Variants in GPC5 observed in about 807,000 individuals in gnomAD.
GPC5 encodes the protein glypican-5.
A neutral mutation model predicts 53.9 loss-of-function variants in GPC5; 47 were observed. That is an observed-to-expected ratio of 0.87 (90% confidence interval 0.69 to 1.11). The LOEUF is 1.11. Ranked by LOEUF, GPC5 falls within the 50% of genes most tolerant of loss-of-function variation. The pLI, the probability that GPC5 is intolerant of heterozygous loss-of-function variation, is 0.00. For synonymous variants in GPC5, 286 were observed against 263.3 expected (o/e 1.09, Z -0.84); for missense variants, 748 against 713.1 (o/e 1.05, Z -0.56).
chr13:92,250,991 C>A (rs1340527603), intron 7 of GPC5, among the ~76,000 whole-genome samples: 1 of 152,050 alleles, frequency 6.6e-6, no homozygotes, highest in Non-Finnish European at 1.5e-5. Flanking sequence ...TACATGAATG[C>A]CTTCAAAGTT....
In GPC5 at chr13:92,629,586, T is replaced by C. The variant is rs1013547754; in HGVS notation, c.1562-236696T>C. 2.6e-5 allele frequency among the ~76,000 whole-genome samples: 4 copies of C among 152,316 alleles called. No individual in the cohort carries two copies. The East Asian group carries it at 7.7e-4, about 29-fold the overall frequency. On this transcript the variant is annotated intron_variant, in intron 7 of 7. Coordinates refer to ENST00000377067, the MANE Select transcript of GPC5 (RefSeq NM_004466.6). ...CAATGCATAGAAACATTTTCGAATA[T>C]ATAATCATGAGTTTCACAAAGATAA...
At chr13:91,789,228 A>G (rs2037926097) in intron 5 of GPC5, among the ~76,000 whole-genome samples, 1 of 152,196 alleles carries the variant, frequency 6.6e-6, no homozygotes, top group African/African-American at 2.4e-5. Flanking sequence ...AGAAAAAAAA[A>G]AAGAAATCTT....
intron 2 of GPC5, among the ~76,000 whole-genome samples, chr13:91,594,349 A>T (rs550756429): frequency 2.0e-5 from 3 of 152,314 alleles, no homozygotes; most frequent in Admixed American, 2.0e-4. Flanking sequence ...CATTATTTCT[A>T]TACAAGGAAT....
At chr13:92,558,856 C>T (rs1475673293) in intron 7 of GPC5, among the ~76,000 whole-genome samples, 1 of 151,882 alleles carries the variant, frequency 6.6e-6, no homozygotes, top group Non-Finnish European at 1.5e-5. Flanking sequence ...ATACTAAACC[C>T]CCCGAAGTGT....
chr13:91,791,672 T>TTACA (rs1450370963), intron 5 of GPC5, among the ~76,000 whole-genome samples: 21 of 146,984 alleles, frequency 1.4e-4, no homozygotes, highest in Non-Finnish European at 2.2e-4. Flanking sequence ...ACATCAACAA[T>TTACA]TGTATGAGGC....
chr13:91,695,246 C>T (rs189363055), intron 3 of GPC5, among the ~76,000 whole-genome samples: 5 of 152,172 alleles, frequency 3.3e-5, no homozygotes, highest in African/African-American at 1.2e-4. Context: ...TGTACATGGC[C>T]CAGAACCTCT....
chr13:92,417,941 A>G (rs1239373411), intron 7 of GPC5, among the ~76,000 whole-genome samples: 4 of 152,198 alleles, frequency 2.6e-5, no homozygotes, highest in Non-Finnish European at 4.4e-5. Context: ...TCTAAACAAA[A>G]TGTAATATAA....
At chr13:91,554,840 G>A (rs1291626391) in intron 2 of GPC5, among the ~76,000 whole-genome samples, 1 of 152,002 alleles carries the variant, frequency 6.6e-6, no homozygotes, top group Non-Finnish European at 1.5e-5. Flanking sequence ...CTCTGAGGTG[G>A]CAGAGAGAGA....
intron 7 of GPC5, among the ~76,000 whole-genome samples, chr13:92,584,789 G>C (rs1883484504): frequency 6.6e-6 from 1 of 152,050 alleles, no homozygotes; most frequent in Non-Finnish European, 1.5e-5. Flanking sequence ...TGCAGTCTAG[G>C]AACTTGGTAC....
At chr13:92,041,696 A>G (rs2040943145) in intron 6 of GPC5, among the ~76,000 whole-genome samples, 1 of 152,160 alleles carries the variant, frequency 6.6e-6, no homozygotes, top group Non-Finnish European at 1.5e-5. Flanking sequence ...GCCTTTATTC[A>G]TCCACTGCTA....
intron 7 of GPC5, among the ~76,000 whole-genome samples, chr13:92,561,919 C>G (rs1431904924): frequency 2.6e-5 from 4 of 152,014 alleles, no homozygotes; most frequent in Non-Finnish European, 5.9e-5. Context: ...TCCAAATTGA[C>G]TGTTGTGACC....
At chr13:92,771,182 T>C (rs1875599588) in intron 7 of GPC5, among the ~76,000 whole-genome samples, 1 of 152,068 alleles carries the variant, frequency 6.6e-6, no homozygotes, top group African/African-American at 2.4e-5. Context: ...CTTCACCTTC[T>C]CTAACACCAT....
At chr13:91,798,456 C>T (rs914321456) in intron 5 of GPC5, among the ~76,000 whole-genome samples, 4 of 152,104 alleles carry the variant, frequency 2.6e-5, no homozygotes, top group African/African-American at 9.7e-5. Context: ...ATTTTGTGTT[C>T]CCCCATTAGT....
chr13:91,406,393 C>T (rs1877326237), intron 1 of GPC5, among the ~76,000 whole-genome samples: 1 of 152,050 alleles, frequency 6.6e-6, no homozygotes, highest in Non-Finnish European at 1.5e-5. Flanking sequence ...AGATGGACCC[C>T]CATGTTTTTC....
chr13:92,587,572 C>T (rs1033144419), intron 7 of GPC5, among the ~76,000 whole-genome samples: 8 of 151,968 alleles, frequency 5.3e-5, no homozygotes, highest in Admixed American at 5.2e-4. Flanking sequence ...TTATGGTACT[C>T]CTGCAGAAGA....
chr13:92,502,884 GC>G (rs1368147938), intron 7 of GPC5, among the ~76,000 whole-genome samples: 1 of 151,910 alleles, frequency 6.6e-6, no homozygotes, highest in Non-Finnish European at 1.5e-5. Flanking sequence ...ACACAGCAGT[GC>G]ATACATTTTT....
intron 7 of GPC5, among the ~76,000 whole-genome samples, chr13:92,473,629 G>T (rs1034403570): frequency 8.5e-5 from 13 of 152,202 alleles, no homozygotes; most frequent in African/African-American, 3.1e-4. Context: ...ATCTTAAAAT[G>T]ATGTGAATAT....
intron 6 of GPC5, among the ~76,000 whole-genome samples, chr13:92,133,320 C>A (rs990482432): frequency 6.6e-6 from 1 of 152,108 alleles, no homozygotes; most frequent in South Asian, 2.1e-4. Flanking sequence ...TGCCATCTGG[C>A]GTACACGAGG....
At chr13:92,755,187 G>T (rs201211885) in intron 7 of GPC5, among the ~76,000 whole-genome samples, 6,478 of 138,614 alleles carry the variant, frequency 0.047, 228 homozygotes, top group African/African-American at 0.099. Flanking sequence ...ACTCAAAGCC[G>T]CTCAACTACA....
Sources: allele counts gnomAD v4.1 joint callset (sites outside exome capture counted in the v4.1 genomes callset), GRCh38; gene constraint gnomAD v4.1.1; transcripts MANE v1.5; gene names NCBI Gene and HGNC (gene_info 2026-07-23, HGNC 2026-07-21).